ANXA8: variants seen among roughly 807,000 people sequenced by gnomAD.
The protein encoded by ANXA8 is VAC-beta.
In ANXA8, 9 loss-of-function variants were observed where a neutral mutation model predicts 26.8. The ratio of observed to expected loss-of-function variants is 0.34; its 90% CI spans 0.20 to 0.59. ANXA8 has a LOEUF of 0.59. ANXA8 is among the 20% of genes least tolerant of loss of function. ANXA8 has a pLI of 0.84. For missense variants in ANXA8, 83 were observed against 238.5 expected (o/e 0.35, Z 4.29); for synonymous variants, 39 against 94.8 (o/e 0.41, Z 3.42).
the ANXA8 span, among the ~76,000 whole-genome samples, chr10:47,649,629 G>C: frequency 2.6e-5 from 4 of 151,434 alleles, no homozygotes; most frequent in Non-Finnish European, 4.4e-5. Flanking sequence ...GGCTGGTCTC[G>C]AACTCCTGAC....
the ANXA8 span, among the ~76,000 whole-genome samples, chr10:47,776,525 G>A: frequency 1.7e-3 from 260 of 151,892 alleles, 2 homozygotes; most frequent in African/African-American, 5.9e-3. Flanking sequence ...TCCAGTATCC[G>A]GCTTCATGTA....
chr10:47,509,932 A>G, the ANXA8 span, among the ~76,000 whole-genome samples: 117 of 141,982 alleles, frequency 8.2e-4, 14 homozygotes, highest in Non-Finnish European at 3.2e-4. Flanking sequence ...AACATTGTCT[A>G]AAGGCATAAA....
the ANXA8 span, among the ~76,000 whole-genome samples, chr10:47,525,774 C>A: frequency 7.9e-6 from 1 of 126,260 alleles, no homozygotes. Context: ...GGCTATTAAC[C>A]TTTTATGCTT....
the ANXA8 span, among the ~76,000 whole-genome samples, chr10:47,733,247 C>CT: frequency 1.1e-5 from 1 of 87,578 alleles, no homozygotes; most frequent in Middle Eastern, 5.4e-3. Flanking sequence ...TTCTTTCTTT[C>CT]TTTCTTTCTT....
the ANXA8 span, among the ~76,000 whole-genome samples, chr10:47,733,254 TCTTTCTTTC>T: frequency 9.6e-6 from 1 of 104,542 alleles, no homozygotes; most frequent in African/African-American, 3.8e-5. Flanking sequence ...TTTCTTTCTT[TCTTTCTTTC>T]TTTCTTTCTT....
At chr10:47,982,344 C>A in the ANXA8 span, among the ~76,000 whole-genome samples, 1 of 151,484 alleles carries the variant, frequency 6.6e-6, no homozygotes, top group Non-Finnish European at 1.5e-5. Flanking sequence ...ACCAAACTTA[C>A]TACCAACGTC....
At chr10:47,632,601 T>C in the ANXA8 span, among the ~76,000 whole-genome samples, 3 of 143,174 alleles carry the variant, frequency 2.1e-5, no homozygotes, top group Non-Finnish European at 3.0e-5. Context: ...CTATCCCACA[T>C]GTTATTATAA....
At chr10:47,666,043 T>C in the ANXA8 span, among the ~76,000 whole-genome samples, 6 of 151,470 alleles carry the variant, frequency 4.0e-5, no homozygotes, top group African/African-American at 1.5e-4. Flanking sequence ...GTATAAAAAC[T>C]ACTGAGTAGT....
chr10:47,657,161 A>G, the ANXA8 span, among the ~76,000 whole-genome samples: 1 of 151,514 alleles, frequency 6.6e-6, no homozygotes, highest in Non-Finnish European at 1.5e-5. Context: ...CATTTGAGTT[A>G]CTAAAACAGT....
At chr10:47,982,140 A>T in the ANXA8 span, among the ~76,000 whole-genome samples, 3 of 151,428 alleles carry the variant, frequency 2.0e-5, no homozygotes, top group Non-Finnish European at 4.4e-5. Flanking sequence ...ATAAAAAAAG[A>T]TTAGCTGGGT....
chr10:47,707,030 A>G, the ANXA8 span, among the ~76,000 whole-genome samples: 1 of 143,508 alleles, frequency 7.0e-6, no homozygotes, highest in Non-Finnish European at 1.6e-5. Flanking sequence ...TTAATTTTTC[A>G]GTGTAGTTTG....
the ANXA8 span, among the ~76,000 whole-genome samples, chr10:47,957,549 G>A: frequency 4.7e-5 from 7 of 149,982 alleles, no homozygotes; most frequent in Non-Finnish European, 1.0e-4. Context: ...TCCAACCCAG[G>A]CACTTTTGAC....
the ANXA8 span, among the ~76,000 whole-genome samples, chr10:47,697,031 G>A: frequency 6.6e-6 from 1 of 151,636 alleles, no homozygotes; most frequent in Non-Finnish European, 1.5e-5. Context: ...TTAATGTCCA[G>A]TTTTCTCTTC....
chr10:47,777,177 C>T, the ANXA8 span, among the ~76,000 whole-genome samples: 3 of 151,538 alleles, frequency 2.0e-5, no homozygotes, highest in Non-Finnish European at 2.9e-5. Flanking sequence ...TCAGCCCCAG[C>T]CTGTCCCATT....
chr10:47,686,667 T>C, the ANXA8 span, among the ~76,000 whole-genome samples: 2 of 152,020 alleles, frequency 1.3e-5, no homozygotes, highest in Non-Finnish European at 2.9e-5. Context: ...AATAATCCAA[T>C]ACATATCTGT....
chr10:47,960,570 G>T, the ANXA8 span, among the ~76,000 whole-genome samples: 42 of 148,314 alleles, frequency 2.8e-4, 2 homozygotes, highest in South Asian at 8.4e-4. Flanking sequence ...AGCTTTTTTT[G>T]TAATAGTACA....
chr10:47,528,227 C>A, the ANXA8 span, among the ~76,000 whole-genome samples: 1 of 141,296 alleles, frequency 7.1e-6, no homozygotes, highest in East Asian at 2.6e-4. Flanking sequence ...CTACAGGCAC[C>A]CGTTACCATG....
the ANXA8 span, among the ~76,000 whole-genome samples, chr10:47,530,516 C>T: frequency 2.8e-5 from 2 of 70,612 alleles, no homozygotes; most frequent in African/African-American, 7.2e-5. Context: ...AGTGAAATCT[C>T]GTCTCCACTA....
chr10:47,986,602 G>T, the ANXA8 span: 1 of 359,708 alleles, frequency 2.8e-6, no homozygotes, highest in Admixed American at 3.8e-5. Context: ...AGTTGAAGTG[G>T]CTTTGAAACC....
Sources: gnomAD v4.1 joint callset for allele counts (sites outside exome capture counted in the v4.1 genomes callset) on GRCh38, gnomAD v4.1.1 for gene constraint, MANE v1.5 for transcripts, NCBI Gene and HGNC (gene_info 2026-07-23, HGNC 2026-07-21) for gene names.